DPF3: variants seen among roughly 807,000 people sequenced by gnomAD.
DPF3 encodes the protein zinc finger protein DPF3.
DPF3 carries 18 observed loss-of-function variants against 56.8 expected under a neutral mutation model. The ratio of observed to expected loss-of-function variants is 0.32; its 90% CI spans 0.22 to 0.47. The LOEUF (loss-of-function observed/expected upper bound fraction) is 0.47. DPF3 is among the 20% of genes least tolerant of loss of function. DPF3 has a pLI of 1.00. For missense variants in DPF3, 403 were observed against 488.8 expected (o/e 0.82, Z 1.65); for synonymous variants, 188 against 180.2 (o/e 1.04, Z -0.35).
At chr14:72,684,692 G>A (rs1887328782) in intron 7 of DPF3, among the ~76,000 whole-genome samples, 1 of 151,924 alleles carries the variant, frequency 6.6e-6, no homozygotes, top group South Asian at 2.1e-4. Flanking sequence ...GCAGGGGTGG[G>A]GTCTCTAAAA....
intron 6 of DPF3, among the ~76,000 whole-genome samples, chr14:72,712,219 G>A (rs996036447): frequency 1.3e-5 from 2 of 152,164 alleles, no homozygotes; most frequent in Non-Finnish European, 2.9e-5. Context: ...GAGAGCCTGC[G>A]GGGAGGGCAT....
intron 1 of DPF3, among the ~76,000 whole-genome samples, chr14:72,841,075 G>T (rs1438734828): frequency 1.3e-5 from 2 of 152,228 alleles, no homozygotes; most frequent in Admixed American, 1.3e-4. Context: ...CAGGATTTGA[G>T]AGTGCTTTAG....
chr14:72,663,966 C>T lies in DPF3; in HGVS notation c.871+10274G>A, dbSNP rs1886336868. Among the ~76,000 whole-genome samples, 3 of 152,102 alleles carry T rather than the reference C, an allele frequency of 2.0e-5. No individual in the cohort carries two copies. In the South Asian group the frequency reaches 6.2e-4, roughly 32 times the overall value. On this transcript the variant is annotated intron_variant, in intron 8 of 10. Coordinates refer to ENST00000556509, the MANE Select transcript of DPF3 (RefSeq NM_001280542.3). ...TCCAACTTTCCTCCTTGACCAAGTC[C>T]TCCCTCCACACCTGCTCCTGTTCCT...
At chr14:72,647,808 A>C (rs748260306) in intron 8 of DPF3, among the ~76,000 whole-genome samples, 11 of 152,204 alleles carry the variant, frequency 7.2e-5, no homozygotes, top group Non-Finnish European at 1.3e-4. Flanking sequence ...CTGAGCCAAA[A>C]ATCACGAGGA....
chr14:72,705,767 C>G (rs895969910), intron 6 of DPF3, among the ~76,000 whole-genome samples: 1 of 152,230 alleles, frequency 6.6e-6, no homozygotes, highest in African/African-American at 2.4e-5. Context: ...TGATTCTGGC[C>G]TGGGCCCTGC....
At position 72,670,479 on chromosome 14, in the gene DPF3, G is replaced by A. The variant is rs183624538; in HGVS notation, c.871+3761C>T. The A allele has an allele frequency of 9.1e-6, 9 of 986,044 alleles. 1 individual carries two copies. The East Asian group carries it at 5.7e-4, about 62-fold the overall frequency. 61.1% of individuals were successfully genotyped at this position (986,044 alleles called of 1,614,324 possible). ...TTTTCTCGCAAGCAGAGAGGAAGAT[G>A]GAAAGGTCAGGGAGGAGAATGAGGG... On this transcript the variant is annotated intron_variant, in intron 8 of 10. Coordinates refer to ENST00000556509, the MANE Select transcript of DPF3 (RefSeq NM_001280542.3).
intron 6 of DPF3, among the ~76,000 whole-genome samples, chr14:72,698,803 C>T (rs1888022030): frequency 6.6e-6 from 1 of 152,242 alleles, no homozygotes. Flanking sequence ...CAGGACATAG[C>T]ACTACCATAA....
At chr14:72,785,307 A>T (rs1331098623) in intron 1 of DPF3, among the ~76,000 whole-genome samples, 1 of 152,062 alleles carries the variant, frequency 6.6e-6, no homozygotes, top group East Asian at 1.9e-4. Flanking sequence ...ACAACTTGTA[A>T]TTGTATTATT....
At chr14:72,667,961 A>G (rs577117818) in intron 8 of DPF3, among the ~76,000 whole-genome samples, 1 of 152,326 alleles carries the variant, frequency 6.6e-6, no homozygotes, top group African/African-American at 2.4e-5. Context: ...TCCTAGGTGT[A>G]CATTTCTTAA....
intron 1 of DPF3, among the ~76,000 whole-genome samples, chr14:72,870,152 A>C (rs776273967): frequency 6.6e-6 from 1 of 152,182 alleles, no homozygotes; most frequent in Non-Finnish European, 1.5e-5. Context: ...ATCCCTGCCT[A>C]CCAAAAAGCA....
intron 8 of DPF3, among the ~76,000 whole-genome samples, chr14:72,651,671 AC>A (rs113213874): frequency 0.027 from 4,135 of 152,308 alleles, 142 homozygotes; most frequent in East Asian, 0.12. Context: ...AAGTAGTACA[AC>A]CAAATGATGT....
chr14:72,827,483 T>C (rs1041459927), intron 1 of DPF3, among the ~76,000 whole-genome samples: 1 of 145,638 alleles, frequency 6.9e-6, no homozygotes, highest in Non-Finnish European at 1.5e-5. Flanking sequence ...ACCATTCCCT[T>C]TACTCTTTTT....
chr14:72,629,269 G>A (rs917691901), intron 9 of DPF3, among the ~76,000 whole-genome samples: 2 of 152,188 alleles, frequency 1.3e-5, no homozygotes, highest in Non-Finnish European at 2.9e-5. Flanking sequence ...GATCTTTGTC[G>A]AAGCTGGTGA....
rs184009389 is a variant in DPF3, at chr14:72,638,091, T to A, written c.872-8355A>T. Among the ~76,000 whole-genome samples the A allele has an allele frequency of 3.8e-3, 580 of 152,270 alleles. 5 individuals carry two copies. Among genetic ancestry groups the A allele is most frequent in the African/African-American group, 0.013 (550 of 41,546 alleles). On this transcript the variant is annotated intron_variant, in intron 8 of 10. Coordinates refer to ENST00000556509, the MANE Select transcript of DPF3 (RefSeq NM_001280542.3). ...GAGGAATATTAGATCTGGGATGAGC[T>A]AGGTTGAGCTGCTGTGTGACAGCTG...
chr14:72,749,666 T>G (rs891234911), intron 3 of DPF3, among the ~76,000 whole-genome samples: 1 of 152,024 alleles, frequency 6.6e-6, no homozygotes, highest in African/African-American at 2.4e-5. Context: ...GACTGAATCA[T>G]GGAGGTGGGT....
chr14:72,892,657 A>G, intron 1 of DPF3: 1 of 1,072,276 alleles, frequency 9.3e-7, no homozygotes, highest in Non-Finnish European at 1.1e-6. Context: ...AATGCGCTGA[A>G]TTAAAAGAAC....
intron 6 of DPF3, among the ~76,000 whole-genome samples, chr14:72,707,347 TGG>T (rs953218174): frequency 6.6e-6 from 1 of 152,136 alleles, no homozygotes; most frequent in African/African-American, 2.4e-5. Flanking sequence ...TACCCAGTAA[TGG>T]GATGGCTGGG....
At position 72,612,557 on chromosome 14, in the gene DPF3, C is replaced by T; in HGVS notation, c.*6740G>A. ...TTCCCACCTCCACCCCACTCCTTAG[C>T]ATCTATCACGGCAGAGGGAAGGGAG... is the stretch of plus-strand genomic sequence containing the variant. On this transcript the variant is annotated 3_prime_UTR_variant, in exon 11 of 11. Coordinates refer to ENST00000556509, the MANE Select transcript of DPF3 (RefSeq NM_001280542.3). 1 of 508,460 alleles carries T rather than the reference C, an allele frequency of 2.0e-6. No individual in the cohort carries two copies. The highest frequency in any genetic ancestry group is 1.4e-5 in the South Asian group (1 of 70,742). The allele number at this position is 508,460 out of a possible 1,614,324, so 31.5% of individuals were successfully genotyped here. A position where few individuals can be genotyped will look rare whatever the true frequency, so the allele number is the denominator to read the frequency against.
At position 72,611,674 on chromosome 14, in the gene DPF3, C is replaced by T. The variant is rs1373163175; in HGVS notation, c.*7623G>A. On this transcript the variant is annotated 3_prime_UTR_variant, in exon 11 of 11. Transcript: ENST00000556509. ...CACTGGCTGCCCAACACACTCCAGG[C>T]CAGGTGACTTCATCAGTTCACCAGT... Among the ~76,000 whole-genome samples, 1 of 152,178 alleles carries T rather than the reference C, an allele frequency of 6.6e-6. No homozygotes were observed. Among genetic ancestry groups the T allele is most frequent in the Non-Finnish European group, 1.5e-5 (1 of 68,040 alleles).
Sources: allele counts gnomAD v4.1 joint callset (sites outside exome capture counted in the v4.1 genomes callset), GRCh38; gene constraint gnomAD v4.1.1; transcripts MANE v1.5; gene names NCBI Gene and HGNC (gene_info 2026-07-23, HGNC 2026-07-21).